GRIK2: variants seen among roughly 807,000 people sequenced by gnomAD.
GRIK2 encodes glutamate ionotropic receptor kainate type subunit 2.
GRIK2 carries 32 observed loss-of-function variants against 100.3 expected under a neutral mutation model. The ratio of observed to expected loss-of-function variants is 0.32; its 90% confidence interval spans 0.24 to 0.43. The LOEUF (loss-of-function observed/expected upper bound fraction) is 0.43. GRIK2 is among the 20% of genes least tolerant of loss of function. The probability of loss-of-function intolerance (pLI) is 1.00; values close to 1 mark genes in which losing one functional copy is unlikely to be tolerated. For synonymous variants in GRIK2, 417 were observed against 389.4 expected, an observed-to-expected ratio of 1.07 and a Z score of -0.83; for missense variants, 843 against 1,114.9, an observed-to-expected ratio of 0.76 and a Z score of 3.47.
intron 14 of GRIK2, among the ~76,000 whole-genome samples, chr6:101,986,036 T>G (rs1793997662): frequency 6.6e-6 from 1 of 151,842 alleles, no homozygotes; most frequent in Non-Finnish European, 1.5e-5. Context: ...TTTTATACTA[T>G]GAGAAACTGC....
At chr6:101,813,953 G>A (rs1465133377) in intron 9 of GRIK2, among the ~76,000 whole-genome samples, 1 of 141,168 alleles carries the variant, frequency 7.1e-6, no homozygotes, top group African/African-American at 2.8e-5. Flanking sequence ...GACAAAGCAA[G>A]CTCCATCTCA....
rs1227307899 is a variant in GRIK2, at chr6:101,415,433, C to T, written c.115+16041C>T. Among the ~76,000 whole-genome samples the T allele has an allele frequency of 7.7e-5, 11 of 142,708 alleles. No individual in the cohort carries two copies. The South Asian group carries it at 1.5e-3, about 20-fold the overall frequency. 93.6% of individuals were successfully genotyped at this position (142,708 alleles called of 152,430 possible). On this transcript the variant is annotated intron_variant, in intron 2 of 16. Transcript: ENST00000369134. The stretch of plus-strand genomic sequence containing the variant: ...TCGCCCAGGCTGGAGTGCAGTGGCG[C>T]GATCTCGGCTCACTGCAAGCTCTGC...
intron 12 of GRIK2, 144 bp downstream of exon 12, chr6:101,890,007 C>T: frequency 1.6e-6 from 1 of 622,792 alleles, no homozygotes; most frequent in Non-Finnish European, 2.8e-6. Context: ...TTAAGAATCA[C>T]ATTCATTTAT....
intron 15 of GRIK2, among the ~76,000 whole-genome samples, chr6:102,037,070 T>C (rs1770309102): frequency 6.6e-6 from 1 of 151,222 alleles, no homozygotes; most frequent in African/African-American, 2.4e-5. Context: ...ATAAATAATA[T>C]TACATTTGGA....
intron 2 of GRIK2, among the ~76,000 whole-genome samples, chr6:101,611,137 T>C (rs888229180): frequency 4.0e-5 from 6 of 151,786 alleles, no homozygotes; most frequent in African/African-American, 1.4e-4. Flanking sequence ...TACTGAAAAA[T>C]AATGTTGGAA....
chr6:101,608,183 A>G (rs1291278263), intron 2 of GRIK2, among the ~76,000 whole-genome samples: 2 of 151,852 alleles, frequency 1.3e-5, no homozygotes, highest in African/African-American at 4.8e-5. Flanking sequence ...TGGACTGTGA[A>G]CCCAAGCCAA....
intron 2 of GRIK2, among the ~76,000 whole-genome samples, chr6:101,527,108 T>C (rs767165892): frequency 2.0e-5 from 3 of 152,192 alleles, no homozygotes; most frequent in Non-Finnish European, 2.9e-5. Flanking sequence ...TCTGATCATA[T>C]TAAAGGTTGC....
intron 14 of GRIK2, among the ~76,000 whole-genome samples, chr6:101,984,611 T>TAA (rs1216342794): frequency 2.6e-5 from 1 of 38,952 alleles, no homozygotes; most frequent in African/African-American, 5.9e-5. Flanking sequence ...GAATACACAT[T>TAA]AAAACACACA....
chr6:101,755,464 G>C (rs997282858), intron 7 of GRIK2, among the ~76,000 whole-genome samples: 5 of 152,070 alleles, frequency 3.3e-5, no homozygotes, highest in Admixed American at 6.6e-5. Flanking sequence ...ACCGTGCCCG[G>C]CCGCATAAAT....
In GRIK2 at chr6:101,858,709, G is replaced by C. The variant is rs1389992702; in HGVS notation, c.1318-578G>C. 2.0e-5 allele frequency among the ~76,000 whole-genome samples: 3 copies of C among 151,840 alleles called. No homozygotes were observed. The East Asian group carries it at 5.8e-4, about 29-fold the overall frequency. On this transcript the variant is annotated intron_variant, in intron 10 of 16. Coordinates refer to ENST00000369134, the MANE Select transcript of GRIK2 (RefSeq NM_021956.5). ...TGGCCTTCTTCATCTATATTTTAAA[G>C]TAAACTACTACTTTTTAAACTATAA...
At chr6:101,599,987 C>T (rs1049105517) in intron 2 of GRIK2, among the ~76,000 whole-genome samples, 4 of 151,674 alleles carry the variant, frequency 2.6e-5, no homozygotes, top group African/African-American at 7.3e-5. Context: ...AGGCCAGTGT[C>T]CAGAATGATG....
chr6:101,479,875 G>C (rs1772438402), intron 2 of GRIK2, among the ~76,000 whole-genome samples: 1 of 152,042 alleles, frequency 6.6e-6, no homozygotes, highest in Non-Finnish European at 1.5e-5. Context: ...TTAATTTCCT[G>C]TTTTAAGGTT....
intron 2 of GRIK2, among the ~76,000 whole-genome samples, chr6:101,464,184 C>T (rs1429425653): frequency 6.6e-6 from 1 of 152,086 alleles, no homozygotes; most frequent in Non-Finnish European, 1.5e-5. Flanking sequence ...GCACAGGTTT[C>T]GAAGCTAGCA....
intron 4 of GRIK2, among the ~76,000 whole-genome samples, chr6:101,641,192 T>G (rs1781263034): frequency 6.6e-6 from 1 of 152,050 alleles, no homozygotes; most frequent in Non-Finnish European, 1.5e-5. Flanking sequence ...AATATCCATT[T>G]CATATAAATT....
chr6:101,471,249 C>T (rs550396617), intron 2 of GRIK2, among the ~76,000 whole-genome samples: 1 of 151,942 alleles, frequency 6.6e-6, no homozygotes. Flanking sequence ...CTATCTATAA[C>T]GCTTTGGTAG....
intron 2 of GRIK2, among the ~76,000 whole-genome samples, chr6:101,462,287 C>A (rs1054271595): frequency 6.6e-6 from 1 of 152,068 alleles, no homozygotes; most frequent in Non-Finnish European, 1.5e-5. Flanking sequence ...TAGACCCAAG[C>A]AGTTTTTAAA....
chr6:101,731,386 T>A (rs1039447404), intron 7 of GRIK2, among the ~76,000 whole-genome samples: 1 of 151,972 alleles, frequency 6.6e-6, no homozygotes, highest in Admixed American at 6.6e-5. Flanking sequence ...CCCTAGTTCA[T>A]TATAATTGGG....
intron 11 of GRIK2, 152 bp from the exon 12 acceptor site, chr6:101,889,488 T>G (rs2128457115): frequency 1.8e-6 from 1 of 550,244 alleles, no homozygotes; most frequent in Non-Finnish European, 3.2e-6. Flanking sequence ...AAGGAATGCT[T>G]TAAATTTTAA....
At chr6:101,657,981 T>A (rs1221215866) in intron 4 of GRIK2, among the ~76,000 whole-genome samples, 1 of 152,150 alleles carries the variant, frequency 6.6e-6, no homozygotes, top group Non-Finnish European at 1.5e-5. Flanking sequence ...TAACTTGGAC[T>A]ATTTCAATAT....
Sources: allele counts gnomAD v4.1 joint callset (sites outside exome capture counted in the v4.1 genomes callset), GRCh38; gene constraint gnomAD v4.1.1; transcripts MANE v1.5; gene names NCBI Gene and HGNC (gene_info 2026-07-23, HGNC 2026-07-21).